The following ACSS3 variants were observed in gnomAD, a reference collection of about 807,000 sequenced individuals.
ACSS3 encodes the protein acyl-CoA synthetase short-chain family member 3, mitochondrial.
In ACSS3, 64 loss-of-function variants were observed where a neutral mutation model predicts 84.2. The observed-to-expected ratio is 0.76, with a 90% confidence interval of 0.62 to 0.94. ACSS3 has a LOEUF of 0.94. Among genes scored for constraint, ACSS3 ranks in the 40% least tolerant of loss-of-function variants. The pLI is 0.00. For synonymous variants in ACSS3, 317 were observed against 310.1 expected (o/e 1.02, Z -0.23); for missense variants, 815 against 867.6 (o/e 0.94, Z 0.76).
intron 1 of ACSS3, among the ~76,000 whole-genome samples, chr12:81,105,338 C>T (rs554333498): frequency 1.3e-5 from 2 of 151,590 alleles, no homozygotes; most frequent in African/African-American, 4.9e-5. Context: ...CTTAAAAATA[C>T]AATAATGATA....
At chr12:81,234,050 A>G (rs770772428) in intron 13 of ACSS3, among the ~76,000 whole-genome samples, 105 of 151,448 alleles carry the variant, frequency 6.9e-4, no homozygotes, top group Non-Finnish European at 8.0e-4. Context: ...ATTCCATCAT[A>G]ATGTCACCTG....
chr12:81,145,262 A>T lies in ACSS3; in HGVS notation c.921+2015A>T, dbSNP rs202225647. On this transcript the variant is annotated intron_variant, in intron 5 of 15. Transcript: ENST00000548058. ...TTTTCTGGATTCCTTTCAATGCCTAAATGGAAGATCCTTTGATATTTCTAT... is the reference window on the plus strand; with the variant it reads ...TTTTCTGGATTCCTTTCAATGCCTATATGGAAGATCCTTTGATATTTCTAT... Among the ~76,000 whole-genome samples the T allele has an allele frequency of 1.6e-4, 25 of 151,860 alleles. No homozygotes were observed. The East Asian group carries it at 2.1e-3, about 13-fold the overall frequency.
At chr12:81,199,922 A>T in intron 9 of ACSS3, 1 of 267,598 alleles carries the variant, frequency 3.7e-6, no homozygotes. Flanking sequence ...CTCTCATAGG[A>T]CTCTCTGGCC....
rs913029686 is a variant in ACSS3 at position 81,143,128 on chromosome 12, G to A, written c.802G>A (p.Gly268Ser). 1.1e-5 allele frequency: 17 copies of A among 1,611,890 alleles called. No individual in the cohort carries two copies. The highest frequency in any genetic ancestry group is 2.7e-5 in the African/African-American group (2 of 74,844). The change falls in exon 5 of 16, where the codon GGT becomes AGT. Residue 268 changes from glycine (G) to serine (S), a missense_variant. By Grantham distance (56) the Gly-to-Ser change is moderately conservative. Coordinates refer to ENST00000548058, the MANE Select transcript of ACSS3 (RefSeq NM_024560.4). ...GTAGGAGGCGGTTCCTTTGGCTCCC[G>A]GTCGTGACCTTGATTGGGATGAAGA... The part of the protein sequence containing the change: ...PNMEAVPLAP[G>S]RDLDWDEEMA...
chr12:81,199,866 TACACACTGCAC>T (rs1292350390), intron 9 of ACSS3: 1 of 387,046 alleles, frequency 2.6e-6, no homozygotes, highest in Non-Finnish European at 4.9e-6. Context: ...TGCTTTTTGA[TACACACTGCAC>T]ACTGCTCCCA....
intron 7 of ACSS3, among the ~76,000 whole-genome samples, chr12:81,170,543 T>C (rs1203381991): frequency 6.6e-6 from 1 of 152,170 alleles, no homozygotes; most frequent in African/African-American, 2.4e-5. Flanking sequence ...AGGAAGCAAC[T>C]AATAATGTAG....
intron 1 of ACSS3, among the ~76,000 whole-genome samples, chr12:81,093,068 T>G (rs544431926): frequency 6.6e-6 from 1 of 152,232 alleles, no homozygotes; most frequent in Non-Finnish European, 1.5e-5. Flanking sequence ...TGTAGTGTGA[T>G]TTAATTATCA....
At position 81,089,737 on chromosome 12, in the gene ACSS3, G is replaced by A. The variant is rs557413165; in HGVS notation, c.311+11306G>A. Reference sequence around the variant, plus strand: ...TAATAATAACAAAACAATGACAATGGCAAAGACTATAGTACTGCTGTTTTG... The same window carrying A: ...TAATAATAACAAAACAATGACAATGACAAAGACTATAGTACTGCTGTTTTG... On this transcript the variant is annotated intron_variant, in intron 1 of 15. Transcript: ENST00000548058. 2.6e-5 allele frequency among the ~76,000 whole-genome samples: 4 copies of A among 151,992 alleles called. No individual in the cohort carries two copies. In the East Asian group the frequency reaches 7.7e-4, roughly 29 times the overall value.
At chr12:81,095,649 G>A (rs1565972527) in intron 1 of ACSS3, among the ~76,000 whole-genome samples, 1 of 152,184 alleles carries the variant, frequency 6.6e-6, no homozygotes, top group East Asian at 1.9e-4. Context: ...AACAGGCATT[G>A]ATTTCCTGAA....
At chr12:81,094,850 C>T (rs1881927422) in intron 1 of ACSS3, 1 of 152,218 alleles carries the variant, frequency 6.6e-6, no homozygotes, top group Non-Finnish European at 1.5e-5. Context: ...GTCTATTGCT[C>T]TCCTGTCTTC....
At chr12:81,107,091 T>C (rs1883075394) in intron 1 of ACSS3, among the ~76,000 whole-genome samples, 1 of 151,916 alleles carries the variant, frequency 6.6e-6, no homozygotes, top group Non-Finnish European at 1.5e-5. Context: ...CTATAAGGTA[T>C]GGAGCTCAGA....
At chr12:81,133,117 G>GT (rs35628584) in intron 2 of ACSS3, among the ~76,000 whole-genome samples, 4 of 150,784 alleles carry the variant, frequency 2.7e-5, no homozygotes, top group African/African-American at 9.7e-5. Context: ...CTAAAATCGT[G>GT]TTTTTTTTTT....
intron 2 of ACSS3, among the ~76,000 whole-genome samples, chr12:81,120,019 C>T (rs1418246333): frequency 6.6e-6 from 1 of 152,136 alleles, no homozygotes; most frequent in Non-Finnish European, 1.5e-5. Context: ...TCCTTGACTT[C>T]CCACAACACT....
chr12:81,259,669 T>C lies in ACSS3; in HGVS notation c.*4747T>C, dbSNP rs1317138917. 8 of 1,533,868 alleles carry C rather than the reference T, an allele frequency of 5.2e-6. No individual in the cohort carries two copies. Among genetic ancestry groups the C allele is most frequent in the South Asian group, 3.6e-5 (3 of 83,998 alleles). ...GACTGAAAAGACGCCATCTAAAATA[T>C]ACAATGGATAGCATTAGTTCACTGA... On this transcript the variant is annotated 3_prime_UTR_variant, in exon 16 of 16. Transcript: ENST00000548058.
At chr12:81,079,427 G>T (rs1880831709) in intron 1 of ACSS3, among the ~76,000 whole-genome samples, 1 of 152,118 alleles carries the variant, frequency 6.6e-6, no homozygotes, top group Non-Finnish European at 1.5e-5. Flanking sequence ...TGAGATGAGG[G>T]GAATGATATG....
At chr12:81,176,152 T>C (rs573630110) in intron 8 of ACSS3, among the ~76,000 whole-genome samples, 2 of 152,150 alleles carry the variant, frequency 1.3e-5, no homozygotes, top group South Asian at 4.1e-4. Flanking sequence ...TAATCAGAAA[T>C]GACAAAGGGA....
chr12:81,079,904 T>C (rs1274989567), intron 1 of ACSS3, among the ~76,000 whole-genome samples: 3 of 152,190 alleles, frequency 2.0e-5, no homozygotes, highest in Non-Finnish European at 4.4e-5. Context: ...CTAGACCCTA[T>C]ACATGTTAGA....
intron 1 of ACSS3, among the ~76,000 whole-genome samples, chr12:81,108,273 T>TA (rs1444102847): frequency 7.9e-5 from 10 of 126,896 alleles, no homozygotes; most frequent in Non-Finnish European, 1.4e-4. Flanking sequence ...TAATTATTAT[T>TA]ATTATTATTA....
chr12:81,125,078 G>A (rs899415673), intron 2 of ACSS3, among the ~76,000 whole-genome samples: 6 of 152,198 alleles, frequency 3.9e-5, no homozygotes, highest in African/African-American at 1.4e-4. Context: ...GCCGGGCGTG[G>A]TGGTGGGCGC....
Sources: gnomAD v4.1 joint callset for allele counts (sites outside exome capture counted in the v4.1 genomes callset) on GRCh38, gnomAD v4.1.1 for gene constraint, MANE v1.5 for transcripts, NCBI Gene and HGNC (gene_info 2026-07-23, HGNC 2026-07-21) for gene names.